Variants in SLC2A1 observed in about 807,000 individuals in gnomAD.
The protein encoded by SLC2A1 is solute carrier family 2 member 1.
Under a neutral mutation model 46.6 loss-of-function variants are expected in SLC2A1, and 4 were observed. The observed-to-expected ratio is 0.09, with a 90% CI of 0.04 to 0.20. SLC2A1 has a LOEUF of 0.20. Among genes scored for constraint, SLC2A1 ranks in the 10% least tolerant of loss-of-function variants. The pLI is 1.00. For synonymous variants in SLC2A1, 253 were observed against 270.0 expected, an observed-to-expected ratio of 0.94 and a Z score of 0.62; for missense variants, 352 against 667.0, an observed-to-expected ratio of 0.53 and a Z score of 5.20.
chr1:42,956,161 T>TG (rs756699178), intron 1 of SLC2A1, among the ~76,000 whole-genome samples: 14 of 152,128 alleles, frequency 9.2e-5, no homozygotes, highest in Non-Finnish European at 2.1e-4. Context: ...GAGGGGAAAA[T>TG]GACTATAACT....
intron 2 of SLC2A1, among the ~76,000 whole-genome samples, chr1:42,932,362 G>A (rs1643500099): frequency 6.6e-6 from 1 of 151,776 alleles, no homozygotes; most frequent in Non-Finnish European, 1.5e-5. Context: ...CCATGGGACT[G>A]GCCAGACCCA....
rs1359167690 is a variant in SLC2A1 at position 42,929,192 on chromosome 1, C to T, written c.972+18G>A. The T allele has an allele frequency of 1.2e-6, 2 of 1,607,748 alleles. No homozygotes were observed. The highest frequency in any genetic ancestry group is 2.2e-5 in the South Asian group (2 of 90,934). On this transcript the variant is annotated intron_variant, in intron 7 of 9. Coordinates refer to ENST00000426263, the MANE Select transcript of SLC2A1 (RefSeq NM_006516.4). This position sits in a 1 kb window ranked among gnomAD's most constrained non-coding sequence, Gnocchi z 6.0. ...CTCCCTGGGGTTTGGCTGGGGGGGC[C>T]AGTAAGCAAAGACTCACCGACACGA...
chr1:42,958,790 T>C lies in SLC2A1; in HGVS notation c.-139A>G. The C allele has an allele frequency of 1.2e-6, 1 of 868,314 alleles. No homozygotes were observed. Among genetic ancestry groups the C allele is most frequent in the Non-Finnish European group, 1.8e-6 (1 of 564,372 alleles). 53.8% of individuals were successfully genotyped at this position (868,314 alleles called of 1,614,324 possible). A position where few individuals can be genotyped will look rare whatever the true frequency, so the allele number is the denominator to read the frequency against. ...TCTGACTCCGACCCCCGTCGTTTGG[T>C]CTCCTGCTCCCTGGCGTGCTCACTC... is the stretch of plus-strand genomic sequence containing the variant. On this transcript the variant is annotated 5_prime_UTR_variant, in exon 1 of 10. Coordinates refer to ENST00000426263, the MANE Select transcript of SLC2A1 (RefSeq NM_006516.4).
intron 2 of SLC2A1, among the ~76,000 whole-genome samples, chr1:42,940,881 C>T (rs1427254978): frequency 6.6e-6 from 1 of 152,188 alleles, no homozygotes; most frequent in African/African-American, 2.4e-5. Flanking sequence ...GTGCCTCCTG[C>T]ACATCTCCAG....
intron 1 of SLC2A1, among the ~76,000 whole-genome samples, chr1:42,947,575 CACACACAAAAAAAAAAAAAA>C (rs1643670280): frequency 1.6e-5 from 1 of 64,130 alleles, no homozygotes; most frequent in Non-Finnish European, 2.9e-5. Flanking sequence ...TACACACACA[CACACACAAAAAAAAAAAAAA>C]AAAAAAAAAA....
At chr1:42,938,595 A>G (rs902213407) in intron 2 of SLC2A1, among the ~76,000 whole-genome samples, 4 of 152,210 alleles carry the variant, frequency 2.6e-5, no homozygotes, top group African/African-American at 9.7e-5. Context: ...TCTTCTCAAG[A>G]GTAGGCAAAC....
At chr1:42,943,908 T>G (rs1300886342) in intron 1 of SLC2A1, among the ~76,000 whole-genome samples, 1 of 152,160 alleles carries the variant, frequency 6.6e-6, no homozygotes, top group African/African-American at 2.4e-5. Flanking sequence ...ACATTGGAGA[T>G]GTGATCCCAC....
At chr1:42,958,180 C>A (rs1016157566) in intron 1 of SLC2A1, among the ~76,000 whole-genome samples, 12 of 151,898 alleles carry the variant, frequency 7.9e-5, no homozygotes, top group African/African-American at 2.2e-4. Flanking sequence ...CTGACTCCTC[C>A]GCGCGCCGGG....
intron 2 of SLC2A1, among the ~76,000 whole-genome samples, chr1:42,941,852 G>T (rs758585001): frequency 1.3e-5 from 2 of 152,356 alleles, no homozygotes; most frequent in Non-Finnish European, 2.9e-5. Context: ...CTTGGGGCTG[G>T]TCCAAGCATG....
At chr1:42,928,066 G>A (rs1643446775) in intron 8 of SLC2A1, among the ~76,000 whole-genome samples, 1 of 152,236 alleles carries the variant, frequency 6.6e-6, no homozygotes. Flanking sequence ...ACGGTGCTAA[G>A]AGGCCCCATG....
rs1643444955 is a variant in SLC2A1, at chr1:42,927,901, G to A, written c.1075-93C>T. 1.0e-6 allele frequency: 1 copy of A among 983,972 alleles called. No individual in the cohort carries two copies. The highest frequency in any genetic ancestry group is 1.6e-6 in the Non-Finnish European group (1 of 637,908). The allele number at this position is 983,972 out of a possible 1,614,324, so 61.0% of individuals were successfully genotyped here. On this transcript the variant is annotated intron_variant, in intron 8 of 9. Coordinates refer to ENST00000426263, the MANE Select transcript of SLC2A1 (RefSeq NM_006516.4). The surrounding 1 kb of genome is among the most constrained non-coding windows in gnomAD (Gnocchi z 5.3). ...GCTACAGAGGCCAGAGCAGAGCTAT[G>A]CGAGAAGGCAGGAAGCCTGGGGATG...
chr1:42,930,863 C>A lies in SLC2A1; in HGVS notation c.279G>T (p.Arg93=). 1 of 1,600,954 alleles carries A rather than the reference C, an allele frequency of 6.2e-7. No homozygotes were observed. Among genetic ancestry groups the A allele is most frequent in the Non-Finnish European group, 8.5e-7 (1 of 1,179,940 alleles). ...GCAGGTTCATCATCAGCATTGAATT[C>A]CGCCTGGGGACGGGGTCACAGGTCA... The part of the protein sequence containing the change: ...VGLFVNRFGR[R]NSMLMMNLLA... The change falls in exon 4 of 10, where the codon CGG becomes CGT. Residue 93 remains arginine, a synonymous_variant. Coordinates refer to ENST00000426263, the MANE Select transcript of SLC2A1 (RefSeq NM_006516.4). The surrounding 1 kb of genome is among the most constrained non-coding windows in gnomAD (Gnocchi z 6.2).
chr1:42,930,445 T>C lies in SLC2A1; in HGVS notation c.516+181A>G. ...AAAGGGACTGAGAAGAGTCAAGTCA[T>C]CTTGCTGTCAACTGGGAGGCCATGG... On this transcript the variant is annotated intron_variant, in intron 4 of 9. Transcript: ENST00000426263. This position sits in a 1 kb window ranked among gnomAD's most constrained non-coding sequence, Gnocchi z 6.2. 1.2e-6 allele frequency: 1 copy of C among 836,758 alleles called. No homozygotes were observed. Among genetic ancestry groups the C allele is most frequent in the Non-Finnish European group, 2.0e-6 (1 of 495,854 alleles). The allele number at this position is 836,758 out of a possible 1,614,324, so 51.8% of individuals were successfully genotyped here.
Position 42,951,768 on chromosome 1 carries a change from G to A in SLC2A1, c.18+6866C>T. ...GTAGGCCCCACACACTGCCTGCTAG[G>A]CCCTGGACTGTCCAGGGCTGGAGTG... On this transcript the variant is annotated intron_variant, in intron 1 of 9. Transcript: ENST00000426263. 1.0e-5 allele frequency: 4 copies of A among 398,334 alleles called. No individual in the cohort carries two copies. In the East Asian group the frequency reaches 1.4e-4, roughly 14 times the overall value. 24.7% of individuals were successfully genotyped at this position (398,334 alleles called of 1,614,324 possible). A position where few individuals can be genotyped will look rare whatever the true frequency, so the allele number is the denominator to read the frequency against.
At position 42,925,790 on chromosome 1, in the gene SLC2A1, C is replaced by G. The variant is rs1373327908; in HGVS notation, c.*1251G>C. 6.6e-6 allele frequency: 1 copy of G among 152,174 alleles called. No individual in the cohort carries two copies. The highest frequency in any genetic ancestry group is 1.5e-5 in the Non-Finnish European group (1 of 68,050). The allele number at this position is 152,174 out of a possible 1,614,324, so 9.4% of individuals were successfully genotyped here. On this transcript the variant is annotated 3_prime_UTR_variant, in exon 10 of 10. Coordinates refer to ENST00000426263, the MANE Select transcript of SLC2A1 (RefSeq NM_006516.4). ...AAAAGCAGGTGTTTTAGCTTATTCA[C>G]TGTGCGACTTCAGGCACATAACCTC...
At chr1:42,958,247 C>G (rs1418672525) in intron 1 of SLC2A1, among the ~76,000 whole-genome samples, 1 of 151,434 alleles carries the variant, frequency 6.6e-6, no homozygotes, top group Non-Finnish European at 1.5e-5. Context: ...CGCTCGGGCC[C>G]CCTCCCCCGC....
rs72958834 is a variant in SLC2A1, at chr1:42,947,463, G to A, written c.19-4142C>T. Among the ~76,000 whole-genome samples, 904 of 151,896 alleles carry A rather than the reference G, an allele frequency of 6.0e-3. 11 individuals are homozygous for A. Among genetic ancestry groups the A allele is most frequent in the African/African-American group, 0.021 (862 of 41,372 alleles). The stretch of plus-strand genomic sequence containing the variant: ...AAGAATAGAACCAGGGGCAGGACGC[G>A]GTGATCCCAGAACTTTGGGAGGCCA... On this transcript the variant is annotated intron_variant, in intron 1 of 9. Transcript: ENST00000426263.
At position 42,927,191 on chromosome 1, in the gene SLC2A1, C is replaced by T. The variant is rs777947211; in HGVS notation, c.1329G>A (p.Leu443=). The change falls in exon 10 of 10, where the codon CTG becomes CTA. Residue 443 remains leucine (L), a synonymous_variant. Coordinates refer to ENST00000426263, the MANE Select transcript of SLC2A1 (RefSeq NM_006516.4). This position sits in a 1 kb window ranked among gnomAD's most constrained non-coding sequence, Gnocchi z 5.3. Reference sequence around the variant, plus strand: ...CTTTGAAGTAGGTGAAGATGAAGAACAGAACCAGGAGCACAGTGAAGATGA... The same window carrying T: ...CTTTGAAGTAGGTGAAGATGAAGAATAGAACCAGGAGCACAGTGAAGATGA... ...VFIIFTVLLV[L]FFIFTYFKVP... 2 of 1,614,156 alleles carry T rather than the reference C, an allele frequency of 1.2e-6. No individual in the cohort carries two copies. Among genetic ancestry groups the T allele is most frequent in the South Asian group, 2.2e-5 (2 of 91,088 alleles).
intron 2 of SLC2A1, among the ~76,000 whole-genome samples, chr1:42,933,418 G>A (rs1027920319): frequency 7.9e-5 from 12 of 152,108 alleles, no homozygotes; most frequent in African/African-American, 2.7e-4. Context: ...CTGACTCCAG[G>A]AGTTTGTCTT....
Sources: allele counts gnomAD v4.1 joint callset (sites outside exome capture counted in the v4.1 genomes callset), GRCh38; gene constraint gnomAD v4.1.1; non-coding constraint Gnocchi (gnomAD v3.1); transcripts MANE v1.5; gene names NCBI Gene and HGNC (gene_info 2026-07-23, HGNC 2026-07-21).